Variants in MCOLN3 observed in about 807,000 individuals in gnomAD.
MCOLN3 encodes the protein mucolipin TRP cation channel 3.
Under a neutral mutation model 69.4 loss-of-function variants are expected in MCOLN3, and 62 were observed. The observed-to-expected ratio is 0.89, with a 90% CI of 0.73 to 1.10. MCOLN3 has a LOEUF of 1.10. MCOLN3 is among the 50% of genes least tolerant of loss of function. MCOLN3 has a pLI of 0.00. For missense variants in MCOLN3, 564 were observed against 656.4 expected (o/e 0.86, Z 1.54); for synonymous variants, 183 against 217.0 (o/e 0.84, Z 1.38).
chr1:85,040,994 C>T lies in MCOLN3; in HGVS notation c.396+16G>A, dbSNP rs1317326682. ...TGTTCTTTTTCCCAAGTAAATAATG[C>T]ACACACTTGATTTACCTGGTTTACT... On this transcript the variant is annotated intron_variant, in intron 3 of 12. Transcript: ENST00000370589. 6.2e-7 allele frequency: 1 copy of T among 1,610,534 alleles called. No homozygotes were observed. Among genetic ancestry groups the T allele is most frequent in the South Asian group, 1.1e-5 (1 of 90,228 alleles).
At chr1:85,047,872 G>A (rs1218795328) in intron 1 of MCOLN3, among the ~76,000 whole-genome samples, 2 of 152,354 alleles carry the variant, frequency 1.3e-5, no homozygotes, top group African/African-American at 2.4e-5. Flanking sequence ...CTGCCGTGGA[G>A]CTCAGACGGC....
intron 3 of MCOLN3, among the ~76,000 whole-genome samples, chr1:85,034,546 A>G (rs1652719036): frequency 6.6e-6 from 1 of 152,234 alleles, no homozygotes; most frequent in Non-Finnish European, 1.5e-5. Flanking sequence ...CCTCCCTTAA[A>G]GAATTATGTT....
chr1:85,029,691 T>A, intron 6 of MCOLN3: 1 of 153,302 alleles, frequency 6.5e-6, no homozygotes, highest in Non-Finnish European at 1.5e-5. Flanking sequence ...GGGCCTAGAT[T>A]TCTTAGTCAC....
chr1:85,032,696 A>G lies in MCOLN3; in HGVS notation c.732T>C (p.Thr244=). ...CAAATTCAGCCTGGCCCACACTTAC[A>G]GTCAGAGTAAAGTCATAACAGTCAG... is the stretch of plus-strand genomic sequence containing the variant. ...ELPDCYDFTL[T]ITFDNKAHSG... The change falls in exon 6 of 13, where the codon ACT becomes ACC. Residue 244 remains threonine, a splice_region_variant and synonymous_variant. Coordinates refer to ENST00000370589, the MANE Select transcript of MCOLN3 (RefSeq NM_018298.11). The G allele has an allele frequency of 1.2e-6, 2 of 1,609,114 alleles. No individual in the cohort carries two copies. The highest frequency in any genetic ancestry group is 1.7e-6 in the Non-Finnish European group (2 of 1,175,564).
chr1:85,034,648 G>T (rs188269616), intron 3 of MCOLN3, among the ~76,000 whole-genome samples: 31 of 152,320 alleles, frequency 2.0e-4, no homozygotes, highest in African/African-American at 7.2e-4. Context: ...AGTATAAGAA[G>T]TGGGATACAA....
At chr1:85,044,822 TG>T (rs1407098494) in intron 2 of MCOLN3, among the ~76,000 whole-genome samples, 1 of 152,212 alleles carries the variant, frequency 6.6e-6, no homozygotes, top group Non-Finnish European at 1.5e-5. Context: ...CTAGTTTCCA[TG>T]GCTTATTTAG....
At chr1:85,038,841 A>G (rs1412317771) in intron 3 of MCOLN3, among the ~76,000 whole-genome samples, 1 of 151,924 alleles carries the variant, frequency 6.6e-6, no homozygotes, top group Non-Finnish European at 1.5e-5. Flanking sequence ...AAATACAAAA[A>G]AAAATTAGCT....
intron 1 of MCOLN3, among the ~76,000 whole-genome samples, chr1:85,046,310 G>A (rs867902379): frequency 1.4e-4 from 20 of 146,380 alleles, no homozygotes; most frequent in African/African-American, 2.7e-4. Flanking sequence ...TCTATTTGGG[G>A]GGGGGGGCAG....
Position 85,032,908 on chromosome 1 carries a change from G to T in MCOLN3, c.599C>A (p.Ala200Glu). 1 of 1,614,100 alleles carries T rather than the reference G, an allele frequency of 6.2e-7. No individual in the cohort carries two copies. The highest frequency in any genetic ancestry group is 8.5e-7 in the Non-Finnish European group (1 of 1,180,036). ...CAGTGTTAAGTTCAGTTTATTTTCT[G>T]CTGGTGTCCCAATGTGAAAAGGTTC... is the stretch of plus-strand genomic sequence containing the variant. ...PDEPFHIGTP[A>E]ENKLNLTLDF... Residue 200 changes from alanine (A) to glutamate (E), a missense_variant, in exon 5 of 13, where the codon GCA becomes GAA. Physicochemically the swap from Ala to Glu is moderately radical, Grantham distance 107 (BLOSUM62 -1). Transcript: ENST00000370589.
In MCOLN3 at chr1:85,018,983, A is replaced by G. The variant is rs1193168060; in HGVS notation, c.*140T>C. On this transcript the variant is annotated 3_prime_UTR_variant, in exon 13 of 13. Transcript: ENST00000370589. ...TTAAATATTGCTTTTAAAAATATAA[A>G]CAGTTATTGGTGAATTATAGGTCTC... 1 of 723,126 alleles carries G rather than the reference A, an allele frequency of 1.4e-6. No homozygotes were observed. The highest frequency in any genetic ancestry group is 2.8e-5 in the South Asian group (1 of 35,702). 44.8% of individuals were successfully genotyped at this position (723,126 alleles called of 1,614,324 possible).
chr1:85,034,815 G>C (rs1171277975), intron 3 of MCOLN3, among the ~76,000 whole-genome samples: 1 of 152,022 alleles, frequency 6.6e-6, no homozygotes, highest in Non-Finnish European at 1.5e-5. Flanking sequence ...AGAATCTTAC[G>C]GTGCCTTGGA....
chr1:85,018,986 G>T lies in MCOLN3; in HGVS notation c.*137C>A, dbSNP rs1651793687. Reference sequence around the variant, plus strand: ...AATATTGCTTTTAAAAATATAAACAGTTATTGGTGAATTATAGGTCTCAAT... The same window carrying T: ...AATATTGCTTTTAAAAATATAAACATTTATTGGTGAATTATAGGTCTCAAT... On this transcript the variant is annotated 3_prime_UTR_variant, in exon 13 of 13. Transcript: ENST00000370589. 4 of 741,898 alleles carry T rather than the reference G, an allele frequency of 5.4e-6. No individual in the cohort carries two copies. The South Asian group carries it at 7.9e-5, about 15-fold the overall frequency. The allele number at this position is 741,898 out of a possible 1,614,324, so 46.0% of individuals were successfully genotyped here.
At chr1:85,019,955 G>A (rs934719153) in intron 12 of MCOLN3, among the ~76,000 whole-genome samples, 1 of 152,208 alleles carries the variant, frequency 6.6e-6, no homozygotes, top group South Asian at 2.1e-4. Flanking sequence ...CATTTGGCAA[G>A]TGCTCTGAGC....
In MCOLN3 at chr1:85,034,267, GA is replaced by G; in HGVS notation, c.397-17del. 1 of 1,613,736 alleles carries G rather than the reference GA, an allele frequency of 6.2e-7. No homozygotes were observed. Among genetic ancestry groups the G allele is most frequent in the Non-Finnish European group, 8.5e-7 (1 of 1,179,714 alleles). On this transcript the variant is annotated splice_polypyrimidine_tract_variant and intron_variant, in intron 3 of 12. Coordinates refer to ENST00000370589, the MANE Select transcript of MCOLN3 (RefSeq NM_018298.11). ...GCTGCAAGTACTTCAACCAAAATGA[GA>G]AACAGAAAATGGGAATGCCAGCCAG... is the stretch of plus-strand genomic sequence containing the variant.
At chr1:85,043,651 G>A (rs1653192114) in intron 2 of MCOLN3, among the ~76,000 whole-genome samples, 1 of 152,134 alleles carries the variant, frequency 6.6e-6, no homozygotes, top group South Asian at 2.1e-4. Context: ...AATTGATACA[G>A]GCTTTTCTCC....
chr1:85,030,140 C>A (rs1288460067), intron 6 of MCOLN3, among the ~76,000 whole-genome samples: 5 of 152,186 alleles, frequency 3.3e-5, no homozygotes, highest in Non-Finnish European at 5.9e-5. Context: ...GCTGCAAGAC[C>A]CAGCCTATGG....
intron 9 of MCOLN3, chr1:85,024,648 T>G (rs1267725516): frequency 6.6e-6 from 1 of 152,072 alleles, no homozygotes; most frequent in African/African-American, 2.4e-5. Context: ...CATGATATGA[T>G]CATCTATGAG....
In MCOLN3 at chr1:85,022,353, G is replaced by A; in HGVS notation, c.1143C>T (p.Thr381=). Residue 381 remains threonine, a synonymous_variant, in exon 10 of 13, where the codon ACC becomes ACT. Transcript: ENST00000370589. ...DVCSILLGTS[T]MLVWLGVIRY... is the part of the protein sequence containing the mutation. ...GGATGACTCCAAGCCACACGAGCAT[G>A]GTAGAAGTCCCAAGAAGTATGCTAC... 2 of 1,613,592 alleles carry A rather than the reference G, an allele frequency of 1.2e-6. No homozygotes were observed.
At position 85,026,284 on chromosome 1, in the gene MCOLN3, A is replaced by G; in HGVS notation, c.833T>C (p.Ile278Thr). 1 of 1,604,582 alleles carries G rather than the reference A, an allele frequency of 6.2e-7. No individual in the cohort carries two copies. The highest frequency in any genetic ancestry group is 8.5e-7 in the Non-Finnish European group (1 of 1,171,322). ...ECKDWHVSGS[I>T]QKNTHYMMIF... ...CATCATGTAATGAGTGTTCTTCTGA[A>G]CTGAAAGCAAAGAGGATTACATAGT... Residue 278 changes from isoleucine (I) to threonine (T), a missense_variant and splice_region_variant, in exon 8 of 13, where the codon ATT (isoleucine) becomes ACT (threonine). Ile to Thr is a moderately conservative substitution (Grantham distance 89). Coordinates refer to ENST00000370589, the MANE Select transcript of MCOLN3 (RefSeq NM_018298.11).
Sources: allele counts gnomAD v4.1 joint callset (sites outside exome capture counted in the v4.1 genomes callset), GRCh38; gene constraint gnomAD v4.1.1; transcripts MANE v1.5; gene names NCBI Gene and HGNC (gene_info 2026-07-23, HGNC 2026-07-21).